DNAH5: variants seen among roughly 807,000 people sequenced by gnomAD.
DNAH5 encodes the protein dynein axonemal heavy chain 5.
In DNAH5, 372 loss-of-function variants were observed where a neutral mutation model predicts 518.2. The observed-to-expected ratio is 0.72, with a 90% CI of 0.66 to 0.78. The LOEUF (loss-of-function observed/expected upper bound fraction) is 0.78, where lower values mean the gene tolerates loss of function less well. DNAH5 is among the 30% of genes least tolerant of loss of function. The pLI is 0.00. For missense variants in DNAH5, 5,523 were observed against 5,687.0 expected, an observed-to-expected ratio of 0.97 and a Z score of 0.93; for synonymous variants, 2,039 against 2,025.9, an observed-to-expected ratio of 1.01 and a Z score of -0.17.
At chr5:13,881,039 G>T (rs1448004016) in intron 21 of DNAH5, among the ~76,000 whole-genome samples, 1 of 152,004 alleles carries the variant, frequency 6.6e-6, no homozygotes. Flanking sequence ...ACATCAAAAA[G>T]TGTAAAAAGA....
At position 13,841,918 on chromosome 5, in the gene DNAH5, C is replaced by CAAAAAAAAAAAAAAAAAAAATAAAAACA; in HGVS notation, c.5272-15_5272-14insTGTTTTTATTTTTTTTTTTTTTTTTTTT. On this transcript the variant is annotated splice_polypyrimidine_tract_variant and intron_variant, in intron 32 of 78. Transcript: ENST00000265104. ...TCGATCATAGATCTATGTTAGAAAC[C>CAAAAAAAAAAAAAAAAAAAATAAAAACA]AAAAAAAAAAAAAAAAAAAGCTATA... 1.7e-6 allele frequency: 1 copy of CAAAAAAAAAAAAAAAAAAAATAAAAACA among 591,134 alleles called. No homozygotes were observed. Among genetic ancestry groups the CAAAAAAAAAAAAAAAAAAAATAAAAACA allele is most frequent in the Non-Finnish European group, 2.7e-6 (1 of 370,188 alleles). The allele number at this position is 591,134 out of a possible 1,614,324, so 36.6% of individuals were successfully genotyped here.
intron 37 of DNAH5, 55 bp downstream of exon 37, chr5:13,829,971 A>G: frequency 6.6e-7 from 1 of 1,526,654 alleles, no homozygotes; most frequent in Non-Finnish European, 9.1e-7. Context: ...AGGGAGATGC[A>G]TGAAAATTGT....
rs1053025321 is a variant in DNAH5 at position 13,917,086 on chromosome 5, T to C, written c.1089+57A>G. The C allele has an allele frequency of 5.9e-5, 77 of 1,307,960 alleles. No individual in the cohort carries two copies. In the African/African-American group the frequency reaches 9.7e-4, roughly 17 times the overall value. 81.0% of individuals were successfully genotyped at this position (1,307,960 alleles called of 1,614,324 possible). ...GATGAAACAAAATTCAATATTCAAT[T>C]CAGCTAGTGCAAAAAGGGTTATCTA... On this transcript the variant is annotated intron_variant, in intron 8 of 78. Transcript: ENST00000265104.
intron 55 of DNAH5, among the ~76,000 whole-genome samples, chr5:13,775,570 A>C (rs188431822): frequency 1.1e-4 from 16 of 152,296 alleles, no homozygotes; most frequent in Non-Finnish European, 2.1e-4. Flanking sequence ...TTTCAGTCTC[A>C]GTACTGATCC....
chr5:13,802,944 T>C, intron 47 of DNAH5, among the ~76,000 whole-genome samples: 1 of 152,122 alleles, frequency 6.6e-6, no homozygotes, highest in East Asian at 1.9e-4. Context: ...AATATGCATA[T>C]GAATATGCAT....
chr5:13,945,618 T>C (rs1779848201), upstream of DNAH5, among the ~76,000 whole-genome samples: 1 of 152,136 alleles, frequency 6.6e-6, no homozygotes, highest in African/African-American at 2.4e-5. Context: ...TTTTTTCTTT[T>C]TTGAGACCTG....
intron 65 of DNAH5, among the ~76,000 whole-genome samples, chr5:13,740,341 C>T (rs1372190392): frequency 1.3e-5 from 2 of 152,048 alleles, no homozygotes; most frequent in African/African-American, 2.4e-5. Context: ...CTAAAACATA[C>T]TTCCTCTCTC....
intron 65 of DNAH5, among the ~76,000 whole-genome samples, chr5:13,744,279 A>C (rs1002466993): frequency 6.6e-6 from 1 of 152,034 alleles, no homozygotes; most frequent in Non-Finnish European, 1.5e-5. Flanking sequence ...TAAGCTAAAA[A>C]AAAAATGTTG....
chr5:13,909,110 G>C (rs1259061361), intron 12 of DNAH5, among the ~76,000 whole-genome samples: 1 of 152,122 alleles, frequency 6.6e-6, no homozygotes, highest in Non-Finnish European at 1.5e-5. Flanking sequence ...ATGGATAATA[G>C]TGTTGACTTT....
intron 1 of DNAH5, among the ~76,000 whole-genome samples, chr5:14,005,502 G>A (rs1561074544): frequency 6.6e-6 from 1 of 152,158 alleles, no homozygotes. Flanking sequence ...CTGTGCCTGT[G>A]GCCAGGAATT....
chr5:13,951,198 T>G (rs10474999), intron 1 of DNAH5, among the ~76,000 whole-genome samples: 1 of 126,726 alleles, frequency 7.9e-6, no homozygotes, highest in Non-Finnish European at 1.7e-5. Flanking sequence ...GTTTTTTTTT[T>G]GTTTTTTTCG....
At chr5:13,887,791 C>T (rs138337155) in intron 17 of DNAH5, among the ~76,000 whole-genome samples, 22 of 152,248 alleles carry the variant, frequency 1.4e-4, no homozygotes, top group African/African-American at 4.3e-4. Context: ...ACCCAGGAGA[C>T]GCCCAACCCA....
At chr5:13,746,571 G>T (rs1749367053) in intron 65 of DNAH5, among the ~76,000 whole-genome samples, 1 of 152,062 alleles carries the variant, frequency 6.6e-6, no homozygotes, top group South Asian at 2.1e-4. Context: ...TAACTAATAT[G>T]TATCACTATA....
At position 13,882,905 on chromosome 5, in the gene DNAH5, T is replaced by G. The variant is rs1771872793; in HGVS notation, c.3173A>C (p.Lys1058Thr). The G allele has an allele frequency of 6.2e-7, 1 of 1,614,166 alleles. No individual in the cohort carries two copies. Among genetic ancestry groups the G allele is most frequent in the Non-Finnish European group, 8.5e-7 (1 of 1,180,008 alleles). Residue 1058 changes from lysine (K) to threonine (T), a missense_variant and splice_region_variant, in exon 20 of 79, where the codon AAG (lysine) becomes ACG (threonine). Around this residue, in one of 3 missense-constraint regions of DNAH5, gnomAD observed 5,121 missense variants for 5,223.3 expected, o/e 0.98. Coordinates refer to ENST00000265104, the MANE Select transcript of DNAH5 (RefSeq NM_001369.3). ...VRQWSSELLSKKKIQERKMAA... is the reference protein window; with the variant it reads ...VRQWSSELLSTKKIQERKMAA... ...ACCATTTCTGCACCCCATACCCACC[T>G]TGGACAACAGTTCACTGCTCCACTG...
chr5:13,843,268 T>C (rs961270389), intron 32 of DNAH5, among the ~76,000 whole-genome samples: 4 of 152,166 alleles, frequency 2.6e-5, no homozygotes, highest in African/African-American at 9.7e-5. Flanking sequence ...TTCCGCCTCC[T>C]ACACTGTACC....
Position 13,735,162 on chromosome 5 carries a change from G to C in DNAH5, c.11730C>G (p.Val3910=), listed in dbSNP as rs1165682282. The part of the protein sequence containing the change: ...TLKIDIQRNR[V]KHEEFLTLIK... ...TAAGAGTGAGAAACTCTTCATGCTT[G>C]ACTCGGTTCCTCTGGATGTCAATCT... The change falls in exon 68 of 79, where the codon GTC becomes GTG. Residue 3910 remains valine, a synonymous_variant. Coordinates refer to ENST00000265104, the MANE Select transcript of DNAH5 (RefSeq NM_001369.3). 1.9e-6 allele frequency: 3 copies of C among 1,613,936 alleles called. No homozygotes were observed. Among genetic ancestry groups the C allele is most frequent in the African/African-American group, 1.3e-5 (1 of 74,906 alleles).
chr5:13,823,459 G>C lies in DNAH5; in HGVS notation c.6580-89C>G, dbSNP rs1762487864. ...AACTGGAAATGCCCAACACAGTCCG[G>C]GTTATTGCAATGTAACCACTAACAA... is the stretch of plus-strand genomic sequence containing the variant. On this transcript the variant is annotated intron_variant, in intron 39 of 78. Transcript: ENST00000265104. 4.7e-6 allele frequency: 4 copies of C among 842,262 alleles called. No individual in the cohort carries two copies. The Admixed American group carries it at 5.4e-5, about 11-fold the overall frequency. The allele number at this position is 842,262 out of a possible 1,614,324, so 52.2% of individuals were successfully genotyped here. A position where few individuals can be genotyped will look rare whatever the true frequency, so the allele number is the denominator to read the frequency against.
At chr5:13,759,466 A>G (rs1484038543) in intron 60 of DNAH5, among the ~76,000 whole-genome samples, 1 of 152,214 alleles carries the variant, frequency 6.6e-6, no homozygotes, top group Non-Finnish European at 1.5e-5. Flanking sequence ...AATATTTAGA[A>G]CTATCTGCCT....
At position 13,823,336 on chromosome 5, in the gene DNAH5, A is replaced by G. The variant is rs1554064872; in HGVS notation, c.6614T>C (p.Ile2205Thr). 2 of 1,613,968 alleles carry G rather than the reference A, an allele frequency of 1.2e-6. No individual in the cohort carries two copies. Among genetic ancestry groups the G allele is most frequent in the Non-Finnish European group, 1.7e-6 (2 of 1,179,868 alleles). Residue 2205 changes from isoleucine to threonine, a missense_variant, in exon 40 of 79, where the codon ATT becomes ACT. Ile to Thr is a moderately conservative substitution (Grantham distance 89). This residue lies in a region of DNAH5 where 5,121 missense variants were observed against 5,223.3 expected (regional missense o/e 0.98). Coordinates refer to ENST00000265104, the MANE Select transcript of DNAH5 (RefSeq NM_001369.3). Reference protein sequence around the residue: ...DEDEPLFLSLIEDLFPNILLD... With the variant: ...DEDEPLFLSLTEDLFPNILLD... ...AAGAATATTTGGAAAGAGATCTTCA[A>G]TCAAACTCAAAAACAAGGGTTCATC... is the stretch of plus-strand genomic sequence containing the variant.
Sources: gnomAD v4.1 joint callset for allele counts (sites outside exome capture counted in the v4.1 genomes callset) on GRCh38, gnomAD v4.1.1 for gene constraint, gnomAD v4.1.1 regional missense constraint, MANE v1.5 for transcripts, NCBI Gene and HGNC (gene_info 2026-07-23, HGNC 2026-07-21) for gene names.